FSIP2: variants seen among roughly 807,000 people sequenced by gnomAD.
FSIP2 encodes fibrous sheath interacting protein 2.
Under a neutral mutation model 510.5 loss-of-function variants are expected in FSIP2, and 367 were observed. The observed-to-expected ratio is 0.72, with a 90% CI of 0.66 to 0.78. The LOEUF is 0.78. Ranked by LOEUF, FSIP2 falls within the 30% of genes least tolerant of loss-of-function variation. The probability of loss-of-function intolerance (pLI) is 0.00; values close to 1 mark genes in which losing one functional copy is unlikely to be tolerated. For synonymous variants in FSIP2, 2,601 were observed against 2,732.2 expected (o/e 0.95, Z 1.50); for missense variants, 7,594 against 7,901.7 (o/e 0.96, Z 1.48).
Position 185,789,792 on chromosome 2 carries a change from G to A in FSIP2, c.2656G>A (p.Glu886Lys). The A allele has an allele frequency of 6.5e-7, 1 of 1,533,884 alleles. No homozygotes were observed. Among genetic ancestry groups the A allele is most frequent in the Non-Finnish European group, 8.7e-7 (1 of 1,145,398 alleles). The change falls in exon 16 of 23, where the codon GAA becomes AAA. Residue 886 changes from glutamate to lysine, a missense_variant. Glu to Lys is a moderately conservative substitution (Grantham distance 56, BLOSUM62 1). Coordinates refer to ENST00000424728, the MANE Select transcript of FSIP2 (RefSeq NM_173651.4). ...ESDEASLIVNEEVQNLISNIF... is the reference protein window; with the variant it reads ...ESDEASLIVNKEVQNLISNIF... ...TGATGAAGCTAGTTTAATTGTCAAT[G>A]AAGAAGTACAAAATTTAATATCAAA...
intron 8 of FSIP2, among the ~76,000 whole-genome samples, chr2:185,755,696 A>T (rs2105547941): frequency 6.6e-6 from 1 of 151,674 alleles, no homozygotes; most frequent in Non-Finnish European, 1.5e-5. Flanking sequence ...TATAGTTTAC[A>T]TCTCTAATAA....
intron 13 of FSIP2, among the ~76,000 whole-genome samples, chr2:185,777,393 GTTTTT>G (rs10567134): frequency 8.2e-6 from 1 of 122,598 alleles, no homozygotes; most frequent in Non-Finnish European, 1.7e-5. Context: ...TATAATTGTA[GTTTTT>G]TTTTTTTTTT....
At position 185,797,034 on chromosome 2, in the gene FSIP2, C is replaced by A; in HGVS notation, c.9898C>A (p.Leu3300Ile). Residue 3300 changes from leucine (L) to isoleucine (I), a missense_variant, in exon 16 of 23, where the codon CTA becomes ATA. Leu to Ile is a conservative substitution (Grantham distance 5). Transcript: ENST00000424728. Reference protein sequence around the residue: ...SFIEMGKGENLRVFHYENLKP... With the variant: ...SFIEMGKGENIRVFHYENLKP... The stretch of plus-strand genomic sequence containing the variant: ...CATAGAAATGGGAAAAGGTGAAAAT[C>A]TAAGAGTGTTTCATTATGAGAACCT... The A allele has an allele frequency of 6.5e-7, 1 of 1,535,190 alleles. No individual in the cohort carries two copies. The highest frequency in any genetic ancestry group is 8.7e-7 in the Non-Finnish European group (1 of 1,146,278).
At position 185,801,737 on chromosome 2, in the gene FSIP2, A is replaced by G; in HGVS notation, c.12431A>G (p.Glu4144Gly). ...ACCATGTTATCACATTCATTTTTAG[A>G]AGATGTCATAAGAAGGCTTTTATCT... ...YSTMLSHSFL[E>G]DVIRRLLSQL... Residue 4144 changes from glutamate to glycine, a missense_variant, in exon 17 of 23, where the codon GAA (glutamate) becomes GGA (glycine). Physicochemically the swap from Glu to Gly is moderately conservative, Grantham distance 98. Transcript: ENST00000424728. 6.5e-7 allele frequency: 1 copy of G among 1,529,566 alleles called. No individual in the cohort carries two copies. Among genetic ancestry groups the G allele is most frequent in the Non-Finnish European group, 8.7e-7 (1 of 1,143,442 alleles). 94.7% of individuals were successfully genotyped at this position (1,529,566 alleles called of 1,614,324 possible).
rs764862161 is a variant in FSIP2, at chr2:185,828,152, A to G, written c.20474-4A>G. ...TTTTACTTTTTTTTTTTTAATCTCT[A>G]CAGAAAGTTCTCAGGAACAAAAGCC... is the stretch of plus-strand genomic sequence containing the variant. On this transcript the variant is annotated splice_region_variant and splice_polypyrimidine_tract_variant and intron_variant, in intron 20 of 22. Transcript: ENST00000424728. The G allele has an allele frequency of 1.9e-6, 3 of 1,553,730 alleles. No individual in the cohort carries two copies. The highest frequency in any genetic ancestry group is 3.4e-5 in the Admixed American group (2 of 58,920).
rs372763924 is a variant in FSIP2 at position 185,813,752 on chromosome 2, G to A, written c.20035G>A (p.Gly6679Ser). The A allele has an allele frequency of 2.5e-6, 4 of 1,612,496 alleles. No individual in the cohort carries two copies. The highest frequency in any genetic ancestry group is 3.4e-6 in the Non-Finnish European group (4 of 1,179,218). Residue 6679 changes from glycine to serine, a missense_variant, in exon 18 of 23, where the codon GGC becomes AGC. Coordinates refer to ENST00000424728, the MANE Select transcript of FSIP2 (RefSeq NM_173651.4). ...VLTQTFAKEEGIKVFEDQVKE... is the reference protein window; with the variant it reads ...VLTQTFAKEESIKVFEDQVKE... Reference sequence around the variant, plus strand: ...AACACAGACTTTTGCAAAAGAAGAAGGCATCAAAGTATTTGAAGATCAAGT... The same window carrying A: ...AACACAGACTTTTGCAAAAGAAGAAAGCATCAAAGTATTTGAAGATCAAGT...
Position 185,800,156 on chromosome 2 carries a change from A to G in FSIP2, c.10850A>G (p.Lys3617Arg). 6.5e-7 allele frequency: 1 copy of G among 1,533,442 alleles called. No individual in the cohort carries two copies. The highest frequency in any genetic ancestry group is 1.2e-5 in the South Asian group (1 of 83,758). 95.0% of individuals were successfully genotyped at this position (1,533,442 alleles called of 1,614,324 possible). The part of the protein sequence containing the change: ...LLVGVIHVLS[K>R]EIEVDYHFES... ...GTAGGAGTGATTCATGTACTGTCCA[A>G]AGAAATAGAAGTAGATTATCACTTT... is the stretch of plus-strand genomic sequence containing the variant. Residue 3617 changes from lysine to arginine, a missense_variant, in exon 17 of 23, where the codon AAA becomes AGA. By Grantham distance (26) the Lys-to-Arg change is conservative (BLOSUM62 2). Transcript: ENST00000424728.
chr2:185,832,308 G>A (rs1050360755), intron 22 of FSIP2, among the ~76,000 whole-genome samples: 2 of 151,826 alleles, frequency 1.3e-5, no homozygotes, highest in Non-Finnish European at 2.9e-5. Context: ...ATAAACAACA[G>A]CAGCAGATTG....
At chr2:185,743,316 T>C (rs1243747091) in intron 3 of FSIP2, 22 bp downstream of exon 3, 1 of 1,449,780 alleles carries the variant, frequency 6.9e-7, no homozygotes, top group Non-Finnish European at 9.1e-7. Flanking sequence ...ATTACTTCTT[T>C]TTTTAATCAA....
chr2:185,794,093 C>G lies in FSIP2; in HGVS notation c.6957C>G (p.Thr2319=). 1 of 1,530,376 alleles carries G rather than the reference C, an allele frequency of 6.5e-7. No homozygotes were observed. The allele number at this position is 1,530,376 out of a possible 1,614,324, so 94.8% of individuals were successfully genotyped here. The change falls in exon 16 of 23, where the codon ACC becomes ACG. Residue 2319 remains threonine, a synonymous_variant. Coordinates refer to ENST00000424728, the MANE Select transcript of FSIP2 (RefSeq NM_173651.4). ...VNVLKISATE[T]ILSQELTDFT... ...TCCTGAAAATATCAGCAACTGAAAC[C>G]ATTCTCAGCCAAGAGCTTACAGATT... is the stretch of plus-strand genomic sequence containing the variant.
chr2:185,758,682 T>G (rs7592234), intron 9 of FSIP2, among the ~76,000 whole-genome samples: 146,636 of 151,074 alleles, frequency 0.97, 71,242 homozygotes, highest in Middle Eastern at 1. Context: ...GTCTTTGATA[T>G]CTTCCTTGCT....
intron 18 of FSIP2, among the ~76,000 whole-genome samples, 179 bp downstream of exon 18, chr2:185,814,221 G>A (rs1486328733): frequency 1.3e-5 from 2 of 151,980 alleles, no homozygotes; most frequent in Non-Finnish European, 1.5e-5. Flanking sequence ...TCAACTGTGG[G>A]AAAGCAGGTA....
intron 12 of FSIP2, 86 bp downstream of exon 12, chr2:185,763,375 T>A: frequency 1.4e-6 from 1 of 693,810 alleles, no homozygotes; most frequent in Non-Finnish European, 2.6e-6. Flanking sequence ...ATGTCATGAT[T>A]TATGTAACCA....
Position 185,833,254 on chromosome 2 carries a change from T to TA in FSIP2, c.*29dup. 1 of 1,558,880 alleles carries TA rather than the reference T, an allele frequency of 6.4e-7. No homozygotes were observed. The highest frequency in any genetic ancestry group is 1.4e-5 in the African/African-American group (1 of 72,312). ...CTTTTGTACCTGATATAAGTATGCT[T>TA]ACTTCTTTTAGAAAATAAAATGGTT... On this transcript the variant is annotated 3_prime_UTR_variant, in exon 23 of 23. Coordinates refer to ENST00000424728, the MANE Select transcript of FSIP2 (RefSeq NM_173651.4).
rs771459860 is a variant in FSIP2 at position 185,795,839 on chromosome 2, A to C, written c.8703A>C (p.Gly2901=). The C allele has an allele frequency of 6.5e-7, 1 of 1,532,316 alleles. No individual in the cohort carries two copies. The highest frequency in any genetic ancestry group is 8.7e-7 in the Non-Finnish European group (1 of 1,145,368). 94.9% of individuals were successfully genotyped at this position (1,532,316 alleles called of 1,614,324 possible). A position where few individuals can be genotyped will look rare whatever the true frequency, so the allele number is the denominator to read the frequency against. ...GCAGGTTTTATAATCATTTTAAAGG[A>C]GCTTCTACTAGAGCCGAGGATACTA... ...CESRFYNHFK[G]ASTRAEDTKA... is the part of the protein sequence containing the mutation. The change falls in exon 16 of 23, where the codon GGA becomes GGC. Residue 2901 remains glycine (G), a synonymous_variant. Coordinates refer to ENST00000424728, the MANE Select transcript of FSIP2 (RefSeq NM_173651.4).
In FSIP2 at chr2:185,788,951, T is replaced by A. The variant is rs1027081565; in HGVS notation, c.1815T>A (p.His605Gln). Residue 605 changes from histidine to glutamine, a missense_variant, in exon 16 of 23, where the codon CAT becomes CAA. Transcript: ENST00000424728. ...PTTPIKPPPA[H>Q]VEKTVVGKTC... ...CACCTATAAAACCTCCTCCTGCACATGTGGAAAAAACAGTTGTGGGGAAAA... is the reference window on the plus strand; with the variant it reads ...CACCTATAAAACCTCCTCCTGCACAAGTGGAAAAAACAGTTGTGGGGAAAA... The A allele has an allele frequency of 6.5e-7, 1 of 1,534,914 alleles. No homozygotes were observed. Among genetic ancestry groups the A allele is most frequent in the Middle Eastern group, 1.7e-4 (1 of 5,992 alleles).
Position 185,808,761 on chromosome 2 carries a change from T to C in FSIP2, c.19455T>C (p.Val6485=). Residue 6485 remains valine (V), a synonymous_variant, in exon 17 of 23, where the codon GTT becomes GTC. Coordinates refer to ENST00000424728, the MANE Select transcript of FSIP2 (RefSeq NM_173651.4). ...CTGATCTCTCTGGAGAGCTAGACGTTAATAGAATTGTTCAAAAGGCCCAAG... is the reference window on the plus strand; with the variant it reads ...CTGATCTCTCTGGAGAGCTAGACGTCAATAGAATTGTTCAAAAGGCCCAAG... ...SNADLSGELD[V]NRIVQKAQEH... 1 of 1,612,672 alleles carries C rather than the reference T, an allele frequency of 6.2e-7. No homozygotes were observed. Among genetic ancestry groups the C allele is most frequent in the Non-Finnish European group, 8.5e-7 (1 of 1,179,390 alleles).
rs1472628894 is a variant in FSIP2, at chr2:185,789,541, G to GA, written c.2409dup (p.Pro804ThrfsTer15). On this transcript the variant is annotated frameshift_variant, in exon 16 of 23. Transcript: ENST00000424728. LOFTEE classifies it high-confidence loss of function. ...GATGAACTTCTCACATCATCTAATG[G>GA]AAAACCTTTGAAAAATTCAATGCCT... 2 of 1,534,658 alleles carry GA rather than the reference G, an allele frequency of 1.3e-6. No homozygotes were observed. The highest frequency in any genetic ancestry group is 1.7e-6 in the Non-Finnish European group (2 of 1,145,868).
At chr2:185,767,717 A>T (rs541862550) in intron 13 of FSIP2, among the ~76,000 whole-genome samples, 30 of 152,218 alleles carry the variant, frequency 2.0e-4, no homozygotes, top group African/African-American at 7.0e-4. Flanking sequence ...AGACAGATAG[A>T]TCTATCTCTT....
Sources: allele counts gnomAD v4.1 joint callset (sites outside exome capture counted in the v4.1 genomes callset), GRCh38; gene constraint gnomAD v4.1.1; transcripts MANE v1.5; gene names NCBI Gene and HGNC (gene_info 2026-07-23, HGNC 2026-07-21).